The following GSE1 variants were observed in gnomAD, a reference collection of about 807,000 sequenced individuals.
The protein encoded by GSE1 is genetic suppressor element 1.
Under a neutral mutation model 112.6 loss-of-function variants are expected in GSE1, and 32 were observed. That is an observed-to-expected ratio of 0.28 (90% CI 0.21 to 0.38). GSE1 has a LOEUF of 0.38. GSE1 is among the 10% of genes least tolerant of loss of function. The probability of loss-of-function intolerance (pLI) is 1.00; values close to 1 mark genes in which losing one functional copy is unlikely to be tolerated. For missense variants in GSE1, 2,348 were observed against 1,699.2 expected (o/e 1.38, Z -6.71); for synonymous variants, 1,115 against 735.6 (o/e 1.52, Z -8.35).
chr16:85,388,350 G>GGCTGGGTA (rs2047748713), intron 2 of GSE1, among the ~76,000 whole-genome samples: 2 of 33,816 alleles, frequency 5.9e-5, no homozygotes, highest in Admixed American at 3.5e-4. Context: ...ATGGCTGGAT[G>GGCTGGGTA]GATGGGTGAG....
chr16:85,298,149 C>T (rs1340978440), intron 1 of GSE1, among the ~76,000 whole-genome samples: 1 of 152,200 alleles, frequency 6.6e-6, no homozygotes, highest in African/African-American at 2.4e-5. Flanking sequence ...GATTCGAATT[C>T]CGCAGTGCGG....
At chr16:85,242,251 A>C (rs911255595) in intron 1 of GSE1, among the ~76,000 whole-genome samples, 3 of 152,082 alleles carry the variant, frequency 2.0e-5, no homozygotes, top group African/African-American at 7.2e-5. Context: ...TGCTCACCCC[A>C]GCCCCCCTGC....
At chr16:85,474,616 C>T (rs1396403163) in intron 2 of GSE1, among the ~76,000 whole-genome samples, 1 of 151,390 alleles carries the variant, frequency 6.6e-6, no homozygotes, top group South Asian at 2.1e-4. Context: ...CCCAGTCCCC[C>T]TTGCTCTTAC....
chr16:85,436,108 G>A (rs1409790960), intron 2 of GSE1, among the ~76,000 whole-genome samples: 2 of 152,166 alleles, frequency 1.3e-5, no homozygotes, highest in African/African-American at 2.4e-5. Flanking sequence ...TTCCAGAAAC[G>A]TTAGGAGTCA....
Position 85,656,382 on chromosome 16 carries a change from C to G in GSE1, c.1029C>G (p.Arg343=), listed in dbSNP as rs369286648. The part of the protein sequence containing the change: ...MDEELRRERE[R]EREREREREA... ...AGGAGCTAAGGCGGGAGAGGGAGCG[C>G]GAGCGCGAGCGCGAGCGTGAGCGTG... Residue 343 remains arginine (R), a synonymous_variant, in exon 7 of 16, where the codon CGC becomes CGG. Transcript: ENST00000253458. 2 of 1,458,744 alleles carry G rather than the reference C, an allele frequency of 1.4e-6. No homozygotes were observed. Among genetic ancestry groups the G allele is most frequent in the Non-Finnish European group, 9.2e-7 (1 of 1,088,402 alleles). 90.4% of individuals were successfully genotyped at this position (1,458,744 alleles called of 1,614,324 possible). A position where few individuals can be genotyped will look rare whatever the true frequency, so the allele number is the denominator to read the frequency against.
At position 85,378,723 on chromosome 16, in the gene GSE1, T is replaced by C. The variant is rs56382834; in HGVS notation, c.2464+21080T>C. 1.6e-3 allele frequency among the ~76,000 whole-genome samples: 243 copies of C among 152,268 alleles called. 1 individual carries two copies. The highest frequency in any genetic ancestry group is 5.4e-3 in the African/African-American group (224 of 41,550). On this transcript the variant is annotated intron_variant, in intron 2 of 2. Transcript: ENST00000637419. ...GCCCCCTGCAGCCCTGTGCCTGCCC[T>C]GAGTCTCTGGGCAGTGCCAGGAAGG...
chr16:85,657,093 C>G (rs1008369383), intron 7 of GSE1, among the ~76,000 whole-genome samples, 184 bp from the exon 8 acceptor site: 2 of 152,208 alleles, frequency 1.3e-5, no homozygotes, highest in African/African-American at 4.8e-5. Flanking sequence ...GCGTTTCCTT[C>G]CAGGGACAAG....
chr16:85,337,453 C>T (rs1314109950), intron 1 of GSE1, among the ~76,000 whole-genome samples: 1 of 151,856 alleles, frequency 6.6e-6, no homozygotes, highest in Non-Finnish European at 1.5e-5. Flanking sequence ...CTACAGGCGC[C>T]CGCCACCACG....
chr16:85,565,011 A>G (rs930282689), intron 1 of GSE1, among the ~76,000 whole-genome samples: 1 of 152,124 alleles, frequency 6.6e-6, no homozygotes, highest in Non-Finnish European at 1.5e-5. Flanking sequence ...GGTCGGAGCC[A>G]CGTCTTAAGA....
chr16:85,342,592 C>T (rs577748888), intron 1 of GSE1, among the ~76,000 whole-genome samples: 3 of 152,276 alleles, frequency 2.0e-5, no homozygotes, highest in East Asian at 1.9e-4. Flanking sequence ...CTCCTCAGAG[C>T]GCATGTGTTG....
intron 2 of GSE1, among the ~76,000 whole-genome samples, chr16:85,454,001 G>A (rs528091942): frequency 3.3e-5 from 5 of 152,268 alleles, no homozygotes; most frequent in East Asian, 1.9e-4. Flanking sequence ...ACTTGGGGGC[G>A]ATTCCACCCC....
intron 2 of GSE1, among the ~76,000 whole-genome samples, chr16:85,433,954 A>G (rs1430602673): frequency 6.6e-6 from 1 of 152,134 alleles, no homozygotes; most frequent in African/African-American, 2.4e-5. Flanking sequence ...AAGAGCCATA[A>G]TTCCTCATAT....
chr16:85,433,588 C>CTGGATGGATGGA (rs57012969), intron 2 of GSE1, among the ~76,000 whole-genome samples: 1 of 150,180 alleles, frequency 6.7e-6, no homozygotes. Context: ...GAGAAGGATC[C>CTGGATGGATGGA]TGGATGGATG....
intron 2 of GSE1, chr16:85,490,925 T>C (rs1597933665): frequency 6.6e-6 from 1 of 152,214 alleles, no homozygotes. Context: ...GTCAAATTAA[T>C]GCCGGCCAAG....
chr16:85,389,747 T>C (rs2047793659), intron 2 of GSE1, among the ~76,000 whole-genome samples: 1 of 152,134 alleles, frequency 6.6e-6, no homozygotes, highest in Non-Finnish European at 1.5e-5. Flanking sequence ...CCTTCCTGCT[T>C]GGAGCCCTTT....
chr16:85,278,345 C>T (rs1457853225), intron 1 of GSE1, among the ~76,000 whole-genome samples: 2 of 152,224 alleles, frequency 1.3e-5, no homozygotes, highest in African/African-American at 4.8e-5. Flanking sequence ...AAGCAGGGTG[C>T]TCTGAGCACC....
intron 1 of GSE1, among the ~76,000 whole-genome samples, chr16:85,212,299 G>A (rs1007346289): frequency 6.6e-6 from 1 of 152,158 alleles, no homozygotes; most frequent in African/African-American, 2.4e-5. Flanking sequence ...CCAGCTACTT[G>A]GGAAGCTGAG....
intron 1 of GSE1, among the ~76,000 whole-genome samples, chr16:85,584,901 C>A (rs959735698): frequency 9.2e-5 from 14 of 152,204 alleles, no homozygotes; most frequent in Non-Finnish European, 2.1e-4. Context: ...CTTCCCCCAC[C>A]CCTCCAGCCC....
intron 1 of GSE1, among the ~76,000 whole-genome samples, chr16:85,254,733 C>T (rs1174668677): frequency 2.0e-5 from 3 of 152,248 alleles, no homozygotes; most frequent in African/African-American, 7.2e-5. Flanking sequence ...CTTGGAAACC[C>T]AGACGTTATG....
Sources: allele counts gnomAD v4.1 joint callset (sites outside exome capture counted in the v4.1 genomes callset), GRCh38; gene constraint gnomAD v4.1.1; transcripts MANE v1.5; gene names NCBI Gene and HGNC (gene_info 2026-07-23, HGNC 2026-07-21).